The following KHDC4 variants were observed in gnomAD, a reference collection of about 807,000 sequenced individuals.
KHDC4 encodes KH homology domain-containing protein 4.
Under a neutral mutation model 74.5 loss-of-function variants are expected in KHDC4, and 19 were observed. That is an observed-to-expected ratio of 0.26 (90% CI 0.18 to 0.37). KHDC4 has a LOEUF of 0.37. KHDC4 is among the 10% of genes least tolerant of loss of function. The pLI is 1.00. For synonymous variants in KHDC4, 253 were observed against 266.1 expected (o/e 0.95, Z 0.48); for missense variants, 632 against 754.1 (o/e 0.84, Z 1.90).
chr1:155,923,764 CTATTTTACATAT>C, intron 7 of KHDC4, 77 bp from the exon 8 acceptor site: 1 of 1,126,380 alleles, frequency 8.9e-7, no homozygotes, highest in Non-Finnish European at 1.3e-6. Context: ...ATTTTCCATG[CTATTTTACATAT>C]CTACATTAAT....
At position 155,913,420 on chromosome 1, in the gene KHDC4, T is replaced by C. The variant is rs1673670755; in HGVS notation, c.*701A>G. On this transcript the variant is annotated 3_prime_UTR_variant, in exon 14 of 14. Coordinates refer to ENST00000368321, the MANE Select transcript of KHDC4 (RefSeq NM_014949.4). ...TCTGACCAGTTTTAGTCAAGAAGTT[T>C]TCTCTGACCCAGCTGAAGACAGGAT... is the stretch of plus-strand genomic sequence containing the variant. 6.6e-6 allele frequency: 1 copy of C among 152,406 alleles called. No individual in the cohort carries two copies. The highest frequency in any genetic ancestry group is 6.5e-5 in the Admixed American group (1 of 15,276). The allele number at this position is 152,406 out of a possible 1,614,324, so 9.4% of individuals were successfully genotyped here.
intron 13 of KHDC4, chr1:155,915,371 T>A (rs543459365): frequency 6.6e-6 from 1 of 152,632 alleles, no homozygotes; most frequent in East Asian, 1.9e-4. Context: ...TCCGCCCACC[T>A]TGGCCTCCCA....
In KHDC4 at chr1:155,915,863, T is replaced by G. The variant is rs753620377; in HGVS notation, c.1645+10A>C. ...CCACTCCCCTGTTCCCCCAGCTATATCACACTCACCATGGCTCCCTGTTAA... is the reference window on the plus strand; with the variant it reads ...CCACTCCCCTGTTCCCCCAGCTATAGCACACTCACCATGGCTCCCTGTTAA... On this transcript the variant is annotated intron_variant, in intron 13 of 13. Coordinates refer to ENST00000368321, the MANE Select transcript of KHDC4 (RefSeq NM_014949.4). The G allele has an allele frequency of 7.7e-6, 12 of 1,554,596 alleles. No homozygotes were observed. Among genetic ancestry groups the G allele is most frequent in the Non-Finnish European group, 9.7e-6 (11 of 1,136,970 alleles).
intron 11 of KHDC4, 192 bp from the exon 12 acceptor site, chr1:155,916,929 G>C: frequency 2.1e-6 from 1 of 480,036 alleles, no homozygotes; most frequent in Non-Finnish European, 3.7e-6. Flanking sequence ...ATAGGACTTG[G>C]ACAGGGGTGT....
intron 10 of KHDC4, among the ~76,000 whole-genome samples, chr1:155,918,939 G>T (rs530182832): frequency 6.8e-6 from 1 of 147,124 alleles, no homozygotes; most frequent in East Asian, 2.0e-4. Flanking sequence ...GGGAAAGCAA[G>T]ATCAACCCTG....
intron 2 of KHDC4, among the ~76,000 whole-genome samples, chr1:155,932,076 AAAC>A (rs1419173727): frequency 6.6e-6 from 1 of 152,202 alleles, no homozygotes; most frequent in South Asian, 2.1e-4. Context: ...CTTTTTGCTT[AAAC>A]AACAGGAATT....
intron 6 of KHDC4, chr1:155,926,163 T>C (rs1160396524): frequency 2.0e-6 from 1 of 510,046 alleles, no homozygotes; most frequent in African/African-American, 1.9e-5. Context: ...GCTCTATCAA[T>C]CTCCTTTCTA....
chr1:155,916,510 T>C, intron 12 of KHDC4, 115 bp downstream of exon 12: 1 of 724,730 alleles, frequency 1.4e-6, no homozygotes, highest in South Asian at 1.8e-5. Context: ...GCATATTTGA[T>C]TCAAAGATTT....
chr1:155,921,353 G>A (rs199908872), intron 10 of KHDC4, 22 bp downstream of exon 10: 40 of 1,610,534 alleles, frequency 2.5e-5, no homozygotes, highest in Non-Finnish European at 3.2e-5. Context: ...GTAATATGTT[G>A]TTGCATATCC....
At position 155,914,289 on chromosome 1, in the gene KHDC4, C is replaced by T. The variant is rs1478698445; in HGVS notation, c.1677G>A (p.Glu559=). 2 of 1,613,698 alleles carry T rather than the reference C, an allele frequency of 1.2e-6. No homozygotes were observed. Among genetic ancestry groups the T allele is most frequent in the Non-Finnish European group, 1.7e-6 (2 of 1,179,966 alleles). ...CATAAGCCACCAAGCCAAATCCCTTCTCTGTAGTTTTCATCTTCTTGGCTG... is the reference window on the plus strand; with the variant it reads ...CATAAGCCACCAAGCCAAATCCCTTTTCTGTAGTTTTCATCTTCTTGGCTG... ...DYPAKKMKTT[E]KGFGLVAYAA... is the part of the protein sequence containing the mutation. Residue 559 remains glutamate, a synonymous_variant, in exon 14 of 14, where the codon GAG becomes GAA. Coordinates refer to ENST00000368321, the MANE Select transcript of KHDC4 (RefSeq NM_014949.4).
At chr1:155,931,290 C>CAAA (rs55769714) in intron 2 of KHDC4, among the ~76,000 whole-genome samples, 5 of 109,640 alleles carry the variant, frequency 4.6e-5, no homozygotes, top group African/African-American at 1.5e-4. Flanking sequence ...ACTCTATCAC[C>CAAA]AAAAAAAAAA....
In KHDC4 at chr1:155,926,771, T is replaced by C. The variant is rs1674010421; in HGVS notation, c.586A>G (p.Thr196Ala). ...ACAGTTACTGTTGCACCATTAAAAG[T>C]TGGACTTGTTCCTGTGGCAGCTTTT... ...VVKAATGTSP[T>A]FNGATVTVYH... The change falls in exon 6 of 14, where the codon ACT becomes GCT. Residue 196 changes from threonine (T) to alanine (A), a missense_variant. Thr to Ala is a moderately conservative substitution (Grantham distance 58). Coordinates refer to ENST00000368321, the MANE Select transcript of KHDC4 (RefSeq NM_014949.4). 1.9e-6 allele frequency: 3 copies of C among 1,614,186 alleles called. No individual in the cohort carries two copies. Among genetic ancestry groups the C allele is most frequent in the Non-Finnish European group, 2.5e-6 (3 of 1,180,022 alleles).
chr1:155,929,582 T>G (rs1674099196), intron 3 of KHDC4, 130 bp downstream of exon 3: 21 of 1,166,348 alleles, frequency 1.8e-5, no homozygotes, highest in Non-Finnish European at 2.4e-5. Flanking sequence ...GAAGTTAAAT[T>G]AAACCCAATC....
At chr1:155,917,061 C>A in intron 11 of KHDC4, 1 of 245,762 alleles carries the variant, frequency 4.1e-6, no homozygotes, top group Non-Finnish European at 7.8e-6. Context: ...TTCAAGGATT[C>A]TGGCAAAATG....
chr1:155,921,617 G>T lies in KHDC4; in HGVS notation c.1024C>A (p.Pro342Thr), dbSNP rs1673865500. 2 of 1,613,546 alleles carry T rather than the reference G, an allele frequency of 1.2e-6. No individual in the cohort carries two copies. Among genetic ancestry groups the T allele is most frequent in the Non-Finnish European group, 1.7e-6 (2 of 1,179,524 alleles). ...TAVPLPGYTQ[P>T]SAISSVPPQP... ...GGAGGGACACTACTTATAGCAGAGG[G>T]TTGTGTATAGCCTGAGGGGGAAGAA... The change falls in exon 10 of 14, where the codon CCC becomes ACC. Residue 342 changes from proline (P) to threonine (T), a missense_variant. By Grantham distance (38) the Pro-to-Thr change is conservative. Around this residue, in one of 4 missense-constraint regions of KHDC4, gnomAD observed 254 missense variants for 267.4 expected, o/e 0.95. Coordinates refer to ENST00000368321, the MANE Select transcript of KHDC4 (RefSeq NM_014949.4).
rs1438196071 is a variant in KHDC4 at position 155,913,768 on chromosome 1, T to C, written c.*353A>G. ...AACAGTAGTAAAATACAAATAAAAC[T>C]TTCTTTATGTCAGAACTGGGGCTAT... On this transcript the variant is annotated 3_prime_UTR_variant, in exon 14 of 14. Coordinates refer to ENST00000368321, the MANE Select transcript of KHDC4 (RefSeq NM_014949.4). 1 of 199,180 alleles carries C rather than the reference T, an allele frequency of 5.0e-6. No individual in the cohort carries two copies. The highest frequency in any genetic ancestry group is 1.0e-5 in the Non-Finnish European group (1 of 97,150). 12.3% of individuals were successfully genotyped at this position (199,180 alleles called of 1,614,324 possible).
intron 5 of KHDC4, 22 bp downstream of exon 5, chr1:155,927,082 G>A (rs372021077): frequency 4.0e-5 from 65 of 1,611,672 alleles, no homozygotes; most frequent in East Asian, 6.7e-5. Flanking sequence ...AAAGTGCTAC[G>A]TGAGCCAAAA....
At position 155,927,137 on chromosome 1, in the gene KHDC4, G is replaced by A. The variant is rs1674020731; in HGVS notation, c.484C>T (p.His162Tyr). The change falls in exon 5 of 14, where the codon CAT becomes TAT. Residue 162 changes from histidine (H) to tyrosine (Y), a missense_variant. By Grantham distance (83) the His-to-Tyr change is moderately conservative. Transcript: ENST00000368321. ...AATTCCCGTGTCTGGCCCTGAACAT[G>A]AAGATATAATGGACGATCCCTATAA... ...VGPGDRPLYL[H>Y]VQGQTRELVD... 1.9e-6 allele frequency: 3 copies of A among 1,613,920 alleles called. No homozygotes were observed. Among genetic ancestry groups the A allele is most frequent in the Non-Finnish European group, 2.5e-6 (3 of 1,179,824 alleles).
At chr1:155,919,119 C>G (rs1438868663) in intron 10 of KHDC4, among the ~76,000 whole-genome samples, 2 of 151,846 alleles carry the variant, frequency 1.3e-5, no homozygotes, top group Non-Finnish European at 2.9e-5. Flanking sequence ...AGATGCCTGC[C>G]ACCGCGCCCA....
Sources: gnomAD v4.1 joint callset for allele counts (sites outside exome capture counted in the v4.1 genomes callset) on GRCh38, gnomAD v4.1.1 for gene constraint, gnomAD v4.1.1 regional missense constraint, MANE v1.5 for transcripts, NCBI Gene and HGNC (gene_info 2026-07-23, HGNC 2026-07-21) for gene names.